Variants in MAN2A1 observed in about 807,000 individuals in gnomAD.
MAN2A1 encodes alpha-mannosidase 2.
In MAN2A1, 76 loss-of-function variants were observed where a neutral mutation model predicts 142.6. The ratio of observed to expected loss-of-function variants is 0.53; its 90% CI spans 0.44 to 0.65. The LOEUF (loss-of-function observed/expected upper bound fraction) is 0.65. Ranked by LOEUF, MAN2A1 falls within the 30% of genes least tolerant of loss-of-function variation. The pLI is 0.00. For synonymous variants in MAN2A1, 559 were observed against 473.2 expected, an observed-to-expected ratio of 1.18 and a Z score of -2.35; for missense variants, 1,311 against 1,365.1, an observed-to-expected ratio of 0.96 and a Z score of 0.62.
At chr5:109,736,438 AC>A (rs1042825147) in intron 4 of MAN2A1, among the ~76,000 whole-genome samples, 1 of 151,984 alleles carries the variant, frequency 6.6e-6, no homozygotes, top group Non-Finnish European at 1.5e-5. Context: ...GATCAACTGA[AC>A]CCAAGAATTG....
chr5:109,702,546 G>A (rs1323961634), intron 1 of MAN2A1, among the ~76,000 whole-genome samples: 1 of 152,108 alleles, frequency 6.6e-6, no homozygotes, highest in East Asian at 1.9e-4. Context: ...TGGGCTGGTA[G>A]GTGACCCCAT....
At chr5:109,692,900 C>G (rs115948184) in intron 1 of MAN2A1, among the ~76,000 whole-genome samples, 1,577 of 152,224 alleles carry the variant, frequency 0.01, 5 homozygotes, top group Middle Eastern at 0.037. Flanking sequence ...GCCTAGATCC[C>G]TGGCATGCGC....
At chr5:109,804,871 G>A (rs908987990) in intron 12 of MAN2A1, among the ~76,000 whole-genome samples, 1 of 151,994 alleles carries the variant, frequency 6.6e-6, no homozygotes, top group African/African-American at 2.4e-5. Context: ...ATTTTACTTT[G>A]TTAACTTTTT....
Position 109,781,471 on chromosome 5 carries a change from T to C in MAN2A1, c.1450T>C (p.Ser484Pro). The C allele has an allele frequency of 3.7e-6, 6 of 1,613,482 alleles. No homozygotes were observed. The highest frequency in any genetic ancestry group is 5.1e-6 in the Non-Finnish European group (6 of 1,179,768). Reference sequence around the variant, plus strand: ...TGAAACTCAGAGAGACAAGGGCCAATCGATGTTCCCTGTTTTAAGTGGAGA... The same window carrying C: ...TGAAACTCAGAGAGACAAGGGCCAACCGATGTTCCCTGTTTTAAGTGGAGA... ...ADETQRDKGQ[S>P]MFPVLSGDFF... Residue 484 changes from serine (S) to proline (P), a missense_variant, in exon 9 of 22, where the codon TCG (serine) becomes CCG (proline). Ser to Pro is a moderately conservative substitution (Grantham distance 74, BLOSUM62 -1). Around this residue, in one of 3 missense-constraint regions of MAN2A1, gnomAD observed 890 missense variants for 920.5 expected, o/e 0.97. Transcript: ENST00000261483.
chr5:109,701,930 G>A (rs1750995133), intron 1 of MAN2A1, among the ~76,000 whole-genome samples: 1 of 152,132 alleles, frequency 6.6e-6, no homozygotes, highest in Admixed American at 6.5e-5. Flanking sequence ...GGATGTTAGT[G>A]GAAATAATCA....
chr5:109,860,899 T>C (rs1755738772), intron 20 of MAN2A1, among the ~76,000 whole-genome samples: 1 of 152,216 alleles, frequency 6.6e-6, no homozygotes, highest in Non-Finnish European at 1.5e-5. Context: ...TACTCTCCTT[T>C]TTCAGCCATA....
chr5:109,723,592 T>A (rs911566033), intron 3 of MAN2A1, among the ~76,000 whole-genome samples: 1 of 152,218 alleles, frequency 6.6e-6, no homozygotes, highest in Non-Finnish European at 1.5e-5. Context: ...TTTTTAGTCT[T>A]CACACTCTTA....
At position 109,781,376 on chromosome 5, in the gene MAN2A1, G is replaced by C. The variant is rs761392072; in HGVS notation, c.1375-20G>C. ...TTTTAAGATAGAATGAATAATTGAA[G>C]TGCATTTTTTTAAAACTAGATACAG... On this transcript the variant is annotated intron_variant, in intron 8 of 21. Coordinates refer to ENST00000261483, the MANE Select transcript of MAN2A1 (RefSeq NM_002372.4). 4.1e-6 allele frequency: 6 copies of C among 1,451,512 alleles called. No individual in the cohort carries two copies. In the South Asian group the frequency reaches 6.3e-5, roughly 15 times the overall value. The allele number at this position is 1,451,512 out of a possible 1,614,324, so 89.9% of individuals were successfully genotyped here.
At chr5:109,691,554 ATAACT>A (rs1481790289) in intron 1 of MAN2A1, among the ~76,000 whole-genome samples, 7 of 152,200 alleles carry the variant, frequency 4.6e-5, no homozygotes, top group South Asian at 2.1e-4. Context: ...CTCTTTTGTG[ATAACT>A]TAAATGACCA....
Position 109,811,372 on chromosome 5 carries a change from T to TA in MAN2A1, c.1944-5900dup, listed in dbSNP as rs552907106. ...ATTTTGGTTGGCACTGCATAAGACTTACGAATGAATTTTGGGAGAGTTGTG... is the reference window on the plus strand; with the variant it reads ...ATTTTGGTTGGCACTGCATAAGACTTAACGAATGAATTTTGGGAGAGTTGTG... On this transcript the variant is annotated intron_variant, in intron 12 of 21. Transcript: ENST00000261483. 1.1e-4 allele frequency among the ~76,000 whole-genome samples: 16 copies of TA among 152,260 alleles called. No homozygotes were observed. The South Asian group carries it at 3.3e-3, about 32-fold the overall frequency.
intron 12 of MAN2A1, among the ~76,000 whole-genome samples, chr5:109,812,045 G>A (rs1252135218): frequency 6.6e-6 from 1 of 152,148 alleles, no homozygotes; most frequent in African/African-American, 2.4e-5. Context: ...TGATGTGCCA[G>A]GGTCCTTGGT....
At chr5:109,752,222 T>C (rs1752566005) in intron 4 of MAN2A1, among the ~76,000 whole-genome samples, 1 of 152,330 alleles carries the variant, frequency 6.6e-6, no homozygotes, top group South Asian at 2.1e-4. Flanking sequence ...TAATTACTAC[T>C]ACCATGTTCT....
At chr5:109,850,486 T>C (rs992253180) in intron 19 of MAN2A1, among the ~76,000 whole-genome samples, 5 of 152,228 alleles carry the variant, frequency 3.3e-5, no homozygotes, top group Non-Finnish European at 5.9e-5. Flanking sequence ...AAAGAATTAG[T>C]ATCCACTTTA....
intron 3 of MAN2A1, 42 bp downstream of exon 3, chr5:109,716,306 C>T (rs1026445082): frequency 1.9e-6 from 3 of 1,551,460 alleles, no homozygotes; most frequent in Non-Finnish European, 2.6e-6. Flanking sequence ...TATTAAGTTT[C>T]TTTAGGCCTA....
intron 1 of MAN2A1, among the ~76,000 whole-genome samples, chr5:109,713,317 C>T (rs1005498098): frequency 1.6e-4 from 24 of 152,072 alleles, no homozygotes; most frequent in Admixed American, 2.0e-4. Context: ...AGATTGCAGC[C>T]GCGGAGAAGA....
intron 16 of MAN2A1, among the ~76,000 whole-genome samples, chr5:109,830,747 G>A (rs905889724): frequency 3.3e-5 from 5 of 152,170 alleles, no homozygotes; most frequent in Non-Finnish European, 7.3e-5. Flanking sequence ...ATATGCAATT[G>A]ACTGCTAAGG....
intron 15 of MAN2A1, among the ~76,000 whole-genome samples, chr5:109,823,013 A>G (rs1754668973): frequency 6.6e-6 from 1 of 152,204 alleles, no homozygotes; most frequent in South Asian, 2.1e-4. Flanking sequence ...TCATATTGCA[A>G]GCCTAACTTT....
chr5:109,803,179 G>C (rs1754077293), intron 12 of MAN2A1, among the ~76,000 whole-genome samples: 1 of 151,784 alleles, frequency 6.6e-6, no homozygotes, highest in African/African-American at 2.4e-5. Context: ...TTGTTCTTAG[G>C]TACAAAATTC....
At chr5:109,699,127 G>C (rs1370198966) in intron 1 of MAN2A1, among the ~76,000 whole-genome samples, 1 of 152,006 alleles carries the variant, frequency 6.6e-6, no homozygotes, top group African/African-American at 2.4e-5. Flanking sequence ...TTGTTTTCTT[G>C]ATTCATCAAC....
Sources: gnomAD v4.1 joint callset for allele counts (sites outside exome capture counted in the v4.1 genomes callset) on GRCh38, gnomAD v4.1.1 for gene constraint, gnomAD v4.1.1 regional missense constraint, MANE v1.5 for transcripts, NCBI Gene and HGNC (gene_info 2026-07-23, HGNC 2026-07-21) for gene names.